The following GTPBP1 variants were observed in gnomAD, a reference collection of about 807,000 sequenced individuals.
The protein encoded by GTPBP1 is GTP binding protein 1, also known as GTP-binding protein 1.
In GTPBP1, 23 loss-of-function variants were observed where a neutral mutation model predicts 62.0. The ratio of observed to expected loss-of-function variants is 0.37; its 90% CI spans 0.27 to 0.53. The LOEUF (loss-of-function observed/expected upper bound fraction) is 0.53, where lower values mean the gene tolerates loss of function less well. GTPBP1 is among the 20% of genes least tolerant of loss of function. The pLI, the probability that GTPBP1 is intolerant of heterozygous loss-of-function variation, is 0.89. For synonymous variants in GTPBP1, 344 were observed against 364.4 expected (o/e 0.94, Z 0.64); for missense variants, 640 against 917.3 (o/e 0.70, Z 3.90).
At position 38,709,046 on chromosome 22, in the gene GTPBP1, G is replaced by T. The variant is rs961668037; in HGVS notation, c.304+90G>T. ...GCCTGTAATCCCAGCACTTTGGGAG[G>T]CCAAGACGGGTGGATCACCTGAGGT... On this transcript the variant is annotated intron_variant, in intron 2 of 11. Coordinates refer to ENST00000216044, the MANE Select transcript of GTPBP1 (RefSeq NM_004286.5). 4 of 741,520 alleles carry T rather than the reference G, an allele frequency of 5.4e-6. No homozygotes were observed. In the East Asian group the frequency reaches 8.3e-5, roughly 15 times the overall value. The allele number at this position is 741,520 out of a possible 1,614,324, so 45.9% of individuals were successfully genotyped here.
At chr22:38,735,174 G>A (rs1340420998), downstream of GTPBP1, 1 of 447,144 alleles carries the variant, frequency 2.2e-6, no homozygotes, top group South Asian at 1.6e-5. Context: ...CCCTATCCAG[G>A]GTAACTTCTG....
chr22:38,741,557 G>A, downstream of GTPBP1: 2 of 1,614,038 alleles, frequency 1.2e-6, no homozygotes, highest in Non-Finnish European at 1.7e-6. Context: ...CTGCTCTCAG[G>A]GCAGACAGTT....
chr22:38,724,352 C>T lies in GTPBP1; in HGVS notation c.1014C>T (p.Pro338=), dbSNP rs760951445. ...LLKSPGCRKI[P]VLVQSKDDVI... is the part of the protein sequence containing the mutation. The stretch of plus-strand genomic sequence containing the variant: ...AGTCACCAGGCTGCCGGAAGATCCC[C>T]GTGCTGGTGCAGAGCAAAGATGATG... Residue 338 remains proline (P), a synonymous_variant, in exon 6 of 12, where the codon CCC becomes CCT. Coordinates refer to ENST00000216044, the MANE Select transcript of GTPBP1 (RefSeq NM_004286.5). 7 of 1,613,696 alleles carry T rather than the reference C, an allele frequency of 4.3e-6. No homozygotes were observed. The highest frequency in any genetic ancestry group is 2.2e-5 in the East Asian group (1 of 44,872).
At chr22:38,737,854 G>A (rs1046663597), downstream of GTPBP1, 1 of 553,736 alleles carries the variant, frequency 1.8e-6, no homozygotes, top group African/African-American at 1.9e-5. This position sits in a 1 kb window ranked among gnomAD's most constrained non-coding sequence, Gnocchi z 4.1. Flanking sequence ...GCCCTGGCAT[G>A]TGCTGGCGGC....
chr22:38,728,356 T>C (rs2092738026), intron 10 of GTPBP1, 195 bp downstream of exon 10: 5 of 575,410 alleles, frequency 8.7e-6, no homozygotes, highest in African/African-American at 3.7e-5. Context: ...GTGGTGACCA[T>C]GGAGAGGAGA....
intron 2 of GTPBP1, among the ~76,000 whole-genome samples, chr22:38,710,965 A>T (rs985958593): frequency 8.5e-5 from 13 of 152,184 alleles, no homozygotes; most frequent in African/African-American, 3.1e-4. Flanking sequence ...ACATCTGTAC[A>T]CCCAAGCATC....
At chr22:38,723,354 C>T (rs765206118) in intron 5 of GTPBP1, 1 of 844,386 alleles carries the variant, frequency 1.2e-6, no homozygotes, top group Non-Finnish European at 2.0e-6. Context: ...AAGAATTTTG[C>T]TTGACTGGAA....
At chr22:38,725,951 C>T (rs2092724374) in intron 6 of GTPBP1, 55 bp from the exon 7 acceptor site, 1 of 1,564,886 alleles carries the variant, frequency 6.4e-7, no homozygotes, top group South Asian at 1.1e-5. Flanking sequence ...CAGGGCAGGA[C>T]CTGGTCTCCT....
intron 4 of GTPBP1, among the ~76,000 whole-genome samples, chr22:38,720,179 C>T (rs1257368085): frequency 4.0e-5 from 6 of 151,654 alleles, no homozygotes; most frequent in South Asian, 4.2e-4. Context: ...CTGCCCGCCT[C>T]GGCCTCCCAA....
intron 1 of GTPBP1, among the ~76,000 whole-genome samples, chr22:38,708,060 G>A (rs188479717): frequency 6.6e-6 from 1 of 152,238 alleles, no homozygotes; most frequent in Admixed American, 6.5e-5. Flanking sequence ...CTGTGGACTA[G>A]ATGCTTTACA....
downstream of GTPBP1, among the ~76,000 whole-genome samples, chr22:38,737,086 A>G (rs770137137): frequency 6.6e-6 from 1 of 152,130 alleles, no homozygotes; most frequent in Non-Finnish European, 1.5e-5. This position sits in a 1 kb window ranked among gnomAD's most constrained non-coding sequence, Gnocchi z 4.1. Context: ...GGCTCAAGCA[A>G]TCCCCTCGCC....
At position 38,733,550 on chromosome 22, in the gene GTPBP1, TG is replaced by T. The variant is rs2092775406; in HGVS notation, c.*2848del. On this transcript the variant is annotated 3_prime_UTR_variant, in exon 12 of 12. Coordinates refer to ENST00000216044, the MANE Select transcript of GTPBP1 (RefSeq NM_004286.5). The stretch of plus-strand genomic sequence containing the variant: ...GAACAAAACACCAGCCCTTTTGTAG[TG>T]GATGCAGAATAAAATTGTTAATCCA... 1 of 152,302 alleles carries T rather than the reference TG, an allele frequency of 6.6e-6. No homozygotes were observed. Among genetic ancestry groups the T allele is most frequent in the African/African-American group, 2.4e-5 (1 of 41,458 alleles). The allele number at this position is 152,302 out of a possible 1,614,324, so 9.4% of individuals were successfully genotyped here.
chr22:38,716,195 G>C lies in GTPBP1; in HGVS notation c.485+108G>C. ...CCATCCTTTCCCCTCCTGAGGCGGG[G>C]AAAGAGTGTCCAGGTGTCTGGAGAC... On this transcript the variant is annotated intron_variant, in intron 3 of 11. Transcript: ENST00000216044. This position sits in a 1 kb window ranked among gnomAD's most constrained non-coding sequence, Gnocchi z 5.2. The C allele has an allele frequency of 1.1e-6, 1 of 908,326 alleles. No individual in the cohort carries two copies. The allele number at this position is 908,326 out of a possible 1,614,324, so 56.3% of individuals were successfully genotyped here.
rs1369526926 is a variant in GTPBP1 at position 38,732,105 on chromosome 22, A to C, written c.*1401A>C. ...CTCAGCCTTGCCTCCTCCTGTCCCCAACCCTTTCCTTTCCTCCTGCTTGCG... is the reference window on the plus strand; with the variant it reads ...CTCAGCCTTGCCTCCTCCTGTCCCCCACCCTTTCCTTTCCTCCTGCTTGCG... On this transcript the variant is annotated 3_prime_UTR_variant, in exon 12 of 12. Transcript: ENST00000216044. 1 of 152,926 alleles carries C rather than the reference A, an allele frequency of 6.5e-6. No individual in the cohort carries two copies. Among genetic ancestry groups the C allele is most frequent in the Non-Finnish European group, 1.5e-5 (1 of 68,326 alleles). 9.5% of individuals were successfully genotyped at this position (152,926 alleles called of 1,614,324 possible).
downstream of GTPBP1, chr22:38,735,113 A>G: frequency 2.7e-6 from 1 of 366,238 alleles, no homozygotes; most frequent in South Asian, 2.0e-5. Context: ...TGAAAAATAT[A>G]TACATAATAC....
At position 38,716,506 on chromosome 22, in the gene GTPBP1, G is replaced by GACA; in HGVS notation, c.486-146_486-145insACA. The GACA allele has an allele frequency of 1.6e-6, 1 of 638,790 alleles. No individual in the cohort carries two copies. Among genetic ancestry groups the GACA allele is most frequent in the African/African-American group, 1.8e-5 (1 of 54,590 alleles). 39.6% of individuals were successfully genotyped at this position (638,790 alleles called of 1,614,324 possible). A position where few individuals can be genotyped will look rare whatever the true frequency, so the allele number is the denominator to read the frequency against. ...GCAGCTCTAGGAACCTTCCCACTGT[G>GACA]CTCCTCCGGCTCAAGGAGGAGCTGT... On this transcript the variant is annotated intron_variant, in intron 3 of 11. Coordinates refer to ENST00000216044, the MANE Select transcript of GTPBP1 (RefSeq NM_004286.5). This position sits in a 1 kb window ranked among gnomAD's most constrained non-coding sequence, Gnocchi z 5.2.
At chr22:38,739,586 C>A, downstream of GTPBP1, 1 of 1,304,470 alleles carries the variant, frequency 7.7e-7, no homozygotes, top group East Asian at 2.5e-5. The surrounding 1 kb of genome is among the most constrained non-coding windows in gnomAD (Gnocchi z 6.7). Flanking sequence ...CCCATGCCAG[C>A]CCCACAGCAT....
downstream of GTPBP1, chr22:38,734,513 T>C (rs1047744763): frequency 1.2e-5 from 4 of 320,692 alleles, no homozygotes; most frequent in African/African-American, 9.3e-5. Flanking sequence ...GCCACCTCAC[T>C]GCTTCCTCAT....
At chr22:38,725,835 T>C in intron 6 of GTPBP1, 171 bp from the exon 7 acceptor site, 1 of 653,060 alleles carries the variant, frequency 1.5e-6, no homozygotes. Flanking sequence ...AGGAGCTTGC[T>C]AGGTCAGGGC....
Sources: gnomAD v4.1 joint callset for allele counts (sites outside exome capture counted in the v4.1 genomes callset) on GRCh38, gnomAD v4.1.1 for gene constraint, Gnocchi (gnomAD v3.1) non-coding constraint, MANE v1.5 for transcripts, NCBI Gene and HGNC (gene_info 2026-07-23, HGNC 2026-07-21) for gene names.